Variants in AKAP9 observed in about 807,000 individuals in gnomAD.
AKAP9 encodes A-kinase anchoring protein 9.
In AKAP9, 311 loss-of-function variants were observed where a neutral mutation model predicts 488.5. That is an observed-to-expected ratio of 0.64 (90% CI 0.58 to 0.70). AKAP9 has a LOEUF of 0.70. AKAP9 is among the 30% of genes least tolerant of loss of function. The probability of loss-of-function intolerance (pLI) is 0.00; values close to 1 mark genes in which losing one functional copy is unlikely to be tolerated. For missense variants in AKAP9, 4,215 were observed against 4,374.5 expected (o/e 0.96, Z 1.03); for synonymous variants, 1,462 against 1,483.5 (o/e 0.99, Z 0.33).
intron 17 of AKAP9, among the ~76,000 whole-genome samples, chr7:92,038,989 TC>T (rs1805619286): frequency 1.3e-5 from 2 of 152,264 alleles, no homozygotes; most frequent in African/African-American, 4.8e-5. Context: ...CACTGCAACC[TC>T]CATCTCCCAG....
At chr7:92,055,761 C>G (rs1808692009) in intron 22 of AKAP9, among the ~76,000 whole-genome samples, 1 of 151,960 alleles carries the variant, frequency 6.6e-6, no homozygotes, top group African/African-American at 2.4e-5. Flanking sequence ...TTGAATTATT[C>G]TAATTCAGTC....
rs1000347936 is a variant in AKAP9, at chr7:92,105,859, T to C, written c.11416+96T>C. 4.4e-6 allele frequency: 5 copies of C among 1,132,916 alleles called. No individual in the cohort carries two copies. In the Admixed American group the frequency reaches 5.2e-5, roughly 12 times the overall value. The allele number at this position is 1,132,916 out of a possible 1,614,324, so 70.2% of individuals were successfully genotyped here. On this transcript the variant is annotated intron_variant, in intron 47 of 49. Coordinates refer to ENST00000356239, the MANE Select transcript of AKAP9 (RefSeq NM_005751.5). ...TGGACCATACTTGTCTGTGGCCTGT[T>C]AGGAACCAGGCCGCACAGCAGCAGG... is the stretch of plus-strand genomic sequence containing the variant.
intron 1 of AKAP9, among the ~76,000 whole-genome samples, chr7:91,973,409 C>T (rs1427996063): frequency 6.6e-6 from 1 of 152,070 alleles, no homozygotes; most frequent in Non-Finnish European, 1.5e-5. Context: ...AGATTATATT[C>T]TCACTAAGCA....
At position 92,001,577 on chromosome 7, in the gene AKAP9, C is replaced by A. The variant is rs773088392; in HGVS notation, c.1660C>A (p.Gln554Lys). The A allele has an allele frequency of 6.2e-7, 1 of 1,613,740 alleles. No individual in the cohort carries two copies. The highest frequency in any genetic ancestry group is 2.2e-5 in the East Asian group (1 of 44,846). The change falls in exon 8 of 50, where the codon CAA becomes AAA. Residue 554 changes from glutamine (Q) to lysine (K), a missense_variant. This residue lies in a region of AKAP9 where 2,361 missense variants were observed against 2,430.0 expected (regional missense o/e 0.97). Coordinates refer to ENST00000356239, the MANE Select transcript of AKAP9 (RefSeq NM_005751.5). ...IQRARQTIAE[Q>K]ESKLNEAHKS... ...GAGAGCTAGACAGACAATAGCTGAA[C>A]AAGAAAGTAAACTTAATGAAGCACA... is the stretch of plus-strand genomic sequence containing the variant.
At chr7:92,108,852 C>T in intron 49 of AKAP9, 1 of 609,070 alleles carries the variant, frequency 1.6e-6, no homozygotes, top group Non-Finnish European at 2.9e-6. Context: ...AGATCCCACT[C>T]CTCCCAAAAA....
chr7:91,979,032 C>T (rs1453418902), intron 2 of AKAP9, among the ~76,000 whole-genome samples: 1 of 151,144 alleles, frequency 6.6e-6, no homozygotes, highest in Non-Finnish European at 1.5e-5. Context: ...CCCACCTCAG[C>T]CTCCCAAAGT....
chr7:92,062,243 A>G (rs904924584), intron 23 of AKAP9, 31 bp from the exon 24 acceptor site: 1 of 1,560,616 alleles, frequency 6.4e-7, no homozygotes, highest in African/African-American at 1.4e-5. Flanking sequence ...AATGAATAAT[A>G]GTTCTATTTT....
At chr7:92,075,178 C>T (rs181435503) in intron 28 of AKAP9, among the ~76,000 whole-genome samples, 25 of 152,158 alleles carry the variant, frequency 1.6e-4, no homozygotes, top group Admixed American at 1.5e-3. Context: ...CTACTGCTCT[C>T]GAGACCACAC....
intron 43 of AKAP9, among the ~76,000 whole-genome samples, chr7:92,098,947 T>C (rs1257403067): frequency 2.0e-5 from 3 of 152,184 alleles, no homozygotes; most frequent in Non-Finnish European, 4.4e-5. Flanking sequence ...ATATTTTCAA[T>C]TAGTTACTAA....
intron 2 of AKAP9, 35 bp from the exon 3 acceptor site, chr7:91,980,254 G>C: frequency 1.4e-6 from 2 of 1,399,056 alleles, no homozygotes; most frequent in Non-Finnish European, 2.0e-6. Flanking sequence ...GCACAAAAAA[G>C]TCATAATTAT....
intron 14 of AKAP9, among the ~76,000 whole-genome samples, chr7:92,027,801 C>T (rs953004699): frequency 6.6e-6 from 1 of 152,162 alleles, no homozygotes; most frequent in Non-Finnish European, 1.5e-5. Flanking sequence ...GAAGAGACAG[C>T]AACCATTGAG....
intron 2 of AKAP9, among the ~76,000 whole-genome samples, chr7:91,976,113 G>A (rs542393061): frequency 2.0e-5 from 3 of 152,048 alleles, no homozygotes. Context: ...AGTAGAGATG[G>A]GGTTTCACCA....
At chr7:92,078,596 A>C (rs1813009416) in intron 30 of AKAP9, among the ~76,000 whole-genome samples, 1 of 151,924 alleles carries the variant, frequency 6.6e-6, no homozygotes, top group Admixed American at 6.6e-5. Flanking sequence ...AAAAAAGCAA[A>C]GACACATTGG....
intron 8 of AKAP9, among the ~76,000 whole-genome samples, chr7:92,007,651 A>G (rs1230624678): frequency 1.3e-5 from 2 of 152,224 alleles, no homozygotes; most frequent in African/African-American, 4.8e-5. Context: ...TTAATCTGTA[A>G]TCCTTATGTA....
At chr7:92,088,183 T>C (rs1012768966) in intron 37 of AKAP9, among the ~76,000 whole-genome samples, 2 of 152,152 alleles carry the variant, frequency 1.3e-5, no homozygotes, top group Non-Finnish European at 2.9e-5. Context: ...AACCAAGTGA[T>C]CAGAATTACT....
rs550724768 is a variant in AKAP9 at position 92,030,770 on chromosome 7, G to A, written c.4246-742G>A. Among the ~76,000 whole-genome samples the A allele has an allele frequency of 1.9e-4, 29 of 151,548 alleles. 1 individual carries two copies. Among genetic ancestry groups the A allele is most frequent in the Non-Finnish European group, 3.2e-4 (22 of 67,960 alleles). Reference sequence around the variant, plus strand: ...AAGTTCCACATCTTTTAAAGTGCATGCCATCTAACTAAACCACCCCCTGCC... The same window carrying A: ...AAGTTCCACATCTTTTAAAGTGCATACCATCTAACTAAACCACCCCCTGCC... On this transcript the variant is annotated intron_variant, in intron 15 of 49. Transcript: ENST00000356239.
chr7:92,064,484 C>T (rs1273587704), intron 24 of AKAP9, among the ~76,000 whole-genome samples: 3 of 152,100 alleles, frequency 2.0e-5, no homozygotes, highest in Non-Finnish European at 4.4e-5. Flanking sequence ...GCCAAAATAA[C>T]TCTAAGAGAT....
chr7:92,051,193 A>G (rs1269086555), intron 21 of AKAP9, among the ~76,000 whole-genome samples: 1 of 151,978 alleles, frequency 6.6e-6, no homozygotes, highest in East Asian at 1.9e-4. Context: ...CCTCACCACT[A>G]TTTCTCCATG....
chr7:92,069,705 T>G (rs894663067), intron 26 of AKAP9, among the ~76,000 whole-genome samples: 5 of 152,166 alleles, frequency 3.3e-5, no homozygotes, highest in African/African-American at 1.2e-4. Flanking sequence ...TTGAGCATGA[T>G]GTCAGTGCTT....
Sources: gnomAD v4.1 joint callset for allele counts (sites outside exome capture counted in the v4.1 genomes callset) on GRCh38, gnomAD v4.1.1 for gene constraint, gnomAD v4.1.1 regional missense constraint, MANE v1.5 for transcripts, NCBI Gene and HGNC (gene_info 2026-07-23, HGNC 2026-07-21) for gene names.